ATE1: variants seen among roughly 807,000 people sequenced by gnomAD.
ATE1 encodes the protein arginyl-tRNA--protein transferase 1.
In ATE1, 36 loss-of-function variants were observed where a neutral mutation model predicts 70.5. The observed-to-expected ratio is 0.51, with a 90% confidence interval of 0.39 to 0.67. The LOEUF is 0.67. Ranked by LOEUF, ATE1 falls within the 30% of genes least tolerant of loss-of-function variation. ATE1 has a pLI of 0.00. For missense variants in ATE1, 593 were observed against 629.5 expected (o/e 0.94, Z 0.62); for synonymous variants, 232 against 219.3 (o/e 1.06, Z -0.51).
At chr10:121,900,446 T>A (rs1001559254) in intron 6 of ATE1, among the ~76,000 whole-genome samples, 1 of 152,340 alleles carries the variant, frequency 6.6e-6, no homozygotes. Flanking sequence ...TAAAAAGACC[T>A]CATAAAGTTT....
At chr10:121,902,273 A>T in intron 6 of ATE1, 118 bp downstream of exon 6, 1 of 939,172 alleles carries the variant, frequency 1.1e-6, no homozygotes, top group Non-Finnish European at 1.6e-6. Context: ...AATTTCTTTT[A>T]AATTCTCATT....
chr10:121,801,492 G>A (rs762220204), intron 10 of ATE1, among the ~76,000 whole-genome samples: 2 of 152,002 alleles, frequency 1.3e-5, no homozygotes, highest in South Asian at 2.1e-4. Context: ...CTGAAGGGTC[G>A]TAAGTTGAAA....
chr10:121,776,004 C>A (rs1945722193), intron 11 of ATE1, among the ~76,000 whole-genome samples: 1 of 152,176 alleles, frequency 6.6e-6, no homozygotes, highest in South Asian at 2.1e-4. Context: ...CTTGTGCACA[C>A]ATAATAGCTG....
At chr10:121,830,999 A>AT (rs1228835175) in intron 10 of ATE1, among the ~76,000 whole-genome samples, 1 of 152,204 alleles carries the variant, frequency 6.6e-6, no homozygotes, top group Non-Finnish European at 1.5e-5. Context: ...AATTCTAAAC[A>AT]TATTAATTTT....
intron 10 of ATE1, among the ~76,000 whole-genome samples, chr10:121,797,052 T>C (rs549184058): frequency 1.3e-5 from 2 of 152,364 alleles, no homozygotes; most frequent in South Asian, 4.1e-4. Flanking sequence ...CACTATCATA[T>C]CTTACTGGAT....
intron 3 of ATE1, among the ~76,000 whole-genome samples, chr10:121,921,134 T>G (rs1476493268): frequency 6.6e-6 from 1 of 152,086 alleles, no homozygotes; most frequent in Non-Finnish European, 1.5e-5. Context: ...CTGGATATAT[T>G]GCATGATGCT....
At chr10:121,776,988 A>C (rs962304394) in intron 11 of ATE1, among the ~76,000 whole-genome samples, 3 of 152,244 alleles carry the variant, frequency 2.0e-5, no homozygotes, top group African/African-American at 7.2e-5. Context: ...CTGGAATCAT[A>C]CATCATACAT....
At position 121,743,177 on chromosome 10, in the gene ATE1, T is replaced by C. The variant is rs1372011601; in HGVS notation, c.*503A>G. The C allele has an allele frequency of 2.6e-5, 4 of 152,564 alleles. No individual in the cohort carries two copies. Among genetic ancestry groups the C allele is most frequent in the African/African-American group, 9.6e-5 (4 of 41,468 alleles). The allele number at this position is 152,564 out of a possible 1,614,324, so 9.5% of individuals were successfully genotyped here. A position where few individuals can be genotyped will look rare whatever the true frequency, so the allele number is the denominator to read the frequency against. Reference sequence around the variant, plus strand: ...CATAACATTTGGCAGCAATTTCACATTGAACACTGAGTTGTAACAGCACAG... The same window carrying C: ...CATAACATTTGGCAGCAATTTCACACTGAACACTGAGTTGTAACAGCACAG... On this transcript the variant is annotated 3_prime_UTR_variant, in exon 12 of 12. Transcript: ENST00000224652.
intron 7 of ATE1, among the ~76,000 whole-genome samples, chr10:121,894,137 C>CAAAAA (rs35919973): frequency 1.7e-5 from 1 of 60,300 alleles, no homozygotes; most frequent in Non-Finnish European, 3.1e-5. Flanking sequence ...AACTCCATCT[C>CAAAAA]AAAAAAAAAA....
In ATE1 at chr10:121,766,543, A is replaced by G. The variant is rs957868127; in HGVS notation, c.1379-22685T>C. Among the ~76,000 whole-genome samples, 19 of 152,114 alleles carry G rather than the reference A, an allele frequency of 1.2e-4. 1 individual carries two copies. The highest frequency in any genetic ancestry group is 1.2e-3 in the Admixed American group (19 of 15,252). On this transcript the variant is annotated intron_variant, in intron 11 of 11. Transcript: ENST00000224652. ...CCTGGGTTTTCTTTTTGCCTCATCTATTCCCGGCAAAACACTGAAAAAGTT... is the reference window on the plus strand; with the variant it reads ...CCTGGGTTTTCTTTTTGCCTCATCTGTTCCCGGCAAAACACTGAAAAAGTT...
chr10:121,927,324 G>C lies in ATE1; in HGVS notation c.106+520C>G, dbSNP rs913249516. ...TAGCGACCGCGGTCACCAGTTTCTT[G>C]TCCTTTTTTTTTTTAACTTTTTTTT... On this transcript the variant is annotated intron_variant, in intron 1 of 11. Transcript: ENST00000224652. 4 of 984,584 alleles carry C rather than the reference G, an allele frequency of 4.1e-6. No individual in the cohort carries two copies. The African/African-American group carries it at 7.0e-5, about 17-fold the overall frequency. The allele number at this position is 984,584 out of a possible 1,614,324, so 61.0% of individuals were successfully genotyped here.
At chr10:121,786,098 T>C (rs1313952698) in intron 11 of ATE1, among the ~76,000 whole-genome samples, 1 of 151,408 alleles carries the variant, frequency 6.6e-6, no homozygotes, top group Non-Finnish European at 1.5e-5. Flanking sequence ...TGACAAAAAA[T>C]ATTTGAGGGG....
intron 8 of ATE1, among the ~76,000 whole-genome samples, chr10:121,849,124 T>C (rs972522835): frequency 2.0e-5 from 3 of 146,602 alleles, no homozygotes; most frequent in African/African-American, 7.6e-5. Flanking sequence ...GGCACGAGAA[T>C]TGCTTGATCC....
intron 4 of ATE1, among the ~76,000 whole-genome samples, chr10:121,912,805 C>T (rs539262145): frequency 2.7e-5 from 4 of 150,156 alleles, no homozygotes; most frequent in African/African-American, 9.8e-5. Context: ...AGTGCAGTGG[C>T]AGGATCTTGG....
At chr10:121,902,313 A>G in intron 6 of ATE1, 78 bp downstream of exon 6, 1 of 1,275,862 alleles carries the variant, frequency 7.8e-7, no homozygotes, top group Non-Finnish European at 1.1e-6. Context: ...ACTAATTAGA[A>G]CTTCAAATAA....
At chr10:121,760,883 T>C (rs1050331276) in intron 11 of ATE1, among the ~76,000 whole-genome samples, 1 of 152,228 alleles carries the variant, frequency 6.6e-6, no homozygotes, top group Non-Finnish European at 1.5e-5. Flanking sequence ...ACAGCCACCC[T>C]GCTATAATTC....
At chr10:121,857,181 T>C (rs989773124) in intron 8 of ATE1, among the ~76,000 whole-genome samples, 6 of 152,234 alleles carry the variant, frequency 3.9e-5, no homozygotes, top group African/African-American at 1.2e-4. Context: ...TGTTGTATGA[T>C]ACTAAGGTTT....
At chr10:121,849,844 C>G (rs530807681) in intron 8 of ATE1, among the ~76,000 whole-genome samples, 1 of 151,710 alleles carries the variant, frequency 6.6e-6, no homozygotes, top group Non-Finnish European at 1.5e-5. Flanking sequence ...AGATCACTCA[C>G]GCCTAGCTAA....
At chr10:121,868,287 A>G (rs935743338) in intron 8 of ATE1, among the ~76,000 whole-genome samples, 3 of 152,202 alleles carry the variant, frequency 2.0e-5, no homozygotes, top group Admixed American at 1.3e-4. Flanking sequence ...AAAGAAATTC[A>G]TATTAATTGC....
Sources: gnomAD v4.1 joint callset for allele counts (sites outside exome capture counted in the v4.1 genomes callset) on GRCh38, gnomAD v4.1.1 for gene constraint, MANE v1.5 for transcripts, NCBI Gene and HGNC (gene_info 2026-07-23, HGNC 2026-07-21) for gene names.